The following CCDC171 variants were observed in gnomAD, a reference collection of about 807,000 sequenced individuals.
The protein encoded by CCDC171 is coiled-coil domain containing 171, also known as coiled-coil domain-containing protein 171.
Under a neutral mutation model 168.2 loss-of-function variants are expected in CCDC171, and 177 were observed. That is an observed-to-expected ratio of 1.05 (90% CI 0.93 to 1.19). The LOEUF is 1.19. Ranked by LOEUF, CCDC171 falls within the 50% of genes most tolerant of loss-of-function variation. CCDC171 has a pLI of 0.00. For missense variants in CCDC171, 1,991 were observed against 1,539.0 expected, an observed-to-expected ratio of 1.29 and a Z score of -4.91; for synonymous variants, 687 against 540.8, an observed-to-expected ratio of 1.27 and a Z score of -3.75.
chr9:16,034,155 G>A (rs978214354), intron 6 of CCDC171, among the ~76,000 whole-genome samples: 2 of 152,176 alleles, frequency 1.3e-5, no homozygotes, highest in South Asian at 4.1e-4. Flanking sequence ...AAGCAACAAC[G>A]TGCACTGACA....
At chr9:15,907,879 A>C (rs1191940980) in intron 24 of CCDC171, among the ~76,000 whole-genome samples, 2 of 152,278 alleles carry the variant, frequency 1.3e-5, no homozygotes, top group African/African-American at 2.4e-5. Flanking sequence ...GGAGACACTT[A>C]TGCAGCCAAC....
At chr9:15,642,256 C>T (rs1172093286) in intron 7 of CCDC171, among the ~76,000 whole-genome samples, 2 of 147,410 alleles carry the variant, frequency 1.4e-5, no homozygotes, top group South Asian at 2.1e-4. Flanking sequence ...TTAAATTAAC[C>T]TGTAGTATAT....
intron 25 of CCDC171, among the ~76,000 whole-genome samples, chr9:15,932,236 C>G (rs1383385347): frequency 6.6e-6 from 1 of 151,902 alleles, no homozygotes; most frequent in East Asian, 1.9e-4. Context: ...TTCTTCCAAT[C>G]CATGAACATG....
intron 18 of CCDC171, 80 bp from the exon 19 acceptor site, chr9:15,777,520 T>C: frequency 1.4e-6 from 1 of 730,534 alleles, no homozygotes; most frequent in Non-Finnish European, 2.2e-6. Context: ...AAAAAATATT[T>C]TCATTATGTG....
rs532242648 is a variant in CCDC171, at chr9:16,048,377, G to A, written n.89+5491G>A. On this transcript the variant is annotated intron_variant and non_coding_transcript_variant, in intron 1 of 1. Coordinates refer to the CCDC171 transcript ENST00000478913. ...GGAGCTGGCTGAGGGAGGGAGGATG[G>A]CAGGTTGCCTTGGAAGGTCCCATCT... Among the ~76,000 whole-genome samples the A allele has an allele frequency of 9.8e-5, 15 of 152,330 alleles. 1 individual carries two copies. The South Asian group carries it at 2.7e-3, about 27-fold the overall frequency.
At chr9:15,905,204 A>G (rs1822371829) in intron 24 of CCDC171, among the ~76,000 whole-genome samples, 1 of 152,198 alleles carries the variant, frequency 6.6e-6, no homozygotes, top group Non-Finnish European at 1.5e-5. Context: ...TCCACCCCAA[A>G]TCAACAGAAT....
chr9:16,007,443 C>A (rs1832739505), intron 3 of CCDC171, among the ~76,000 whole-genome samples: 1 of 152,134 alleles, frequency 6.6e-6, no homozygotes, highest in Admixed American at 6.5e-5. Context: ...TTAATTAGAT[C>A]CCAATTGTCA....
Position 15,816,154 on chromosome 9 carries a change from G to A in CCDC171, c.3268-30548G>A, listed in dbSNP as rs766455847. Among the ~76,000 whole-genome samples the A allele has an allele frequency of 5.1e-5, 6 of 116,726 alleles. 2 individuals are homozygous for A. Among genetic ancestry groups the A allele is most frequent in the East Asian group, 4.3e-4 (2 of 4,658 alleles). 76.6% of individuals were successfully genotyped at this position (116,726 alleles called of 152,430 possible). A position where few individuals can be genotyped will look rare whatever the true frequency, so the allele number is the denominator to read the frequency against. Reference sequence around the variant, plus strand: ...TGTTCTCATACATAATTTTAAAAACGTTTTTTCATGTTCAAATTTGTCCTC... The same window carrying A: ...TGTTCTCATACATAATTTTAAAAACATTTTTTCATGTTCAAATTTGTCCTC... On this transcript the variant is annotated intron_variant, in intron 21 of 25. Coordinates refer to ENST00000380701, the MANE Select transcript of CCDC171 (RefSeq NM_173550.4).
intron 7 of CCDC171, among the ~76,000 whole-genome samples, chr9:15,651,505 C>T (rs1022464302): frequency 6.6e-6 from 1 of 152,094 alleles, no homozygotes; most frequent in South Asian, 2.1e-4. Flanking sequence ...AATCCTCTCA[C>T]CTCAGCCTTC....
chr9:15,779,565 G>A (rs1053693981), intron 20 of CCDC171, among the ~76,000 whole-genome samples: 31 of 152,070 alleles, frequency 2.0e-4, no homozygotes, highest in Non-Finnish European at 3.7e-4. Flanking sequence ...TCTCCATGTT[G>A]GCCGGGGTGT....
At chr9:15,618,939 G>A (rs1265328506) in intron 6 of CCDC171, among the ~76,000 whole-genome samples, 2 of 151,984 alleles carry the variant, frequency 1.3e-5, no homozygotes, top group Non-Finnish European at 2.9e-5. Flanking sequence ...GCAGACTGCC[G>A]CTGTTTCTAT....
rs1328284 is a variant in CCDC171 at position 15,926,414 on chromosome 9, C to T, written c.3753+5992C>T. Reference sequence around the variant, plus strand: ...ATTCCAAACCTTACCTTCATCGGTTCCCAATCCATTCTTGCACCATCCAAT... The same window carrying T: ...ATTCCAAACCTTACCTTCATCGGTTTCCAATCCATTCTTGCACCATCCAAT... On this transcript the variant is annotated intron_variant, in intron 25 of 25. Coordinates refer to ENST00000380701, the MANE Select transcript of CCDC171 (RefSeq NM_173550.4). 2.3e-3 allele frequency among the ~76,000 whole-genome samples: 353 copies of T among 151,768 alleles called. 3 individuals are homozygous for T. The highest frequency in any genetic ancestry group is 7.6e-3 in the African/African-American group (314 of 41,488).
chr9:15,561,009 T>C (rs2039256856), intron 1 of CCDC171, among the ~76,000 whole-genome samples: 2 of 152,138 alleles, frequency 1.3e-5, no homozygotes, highest in Admixed American at 1.3e-4. Flanking sequence ...CCTGTTTGCC[T>C]GGATATCACT....
chr9:15,869,266 ATAGT>A (rs2061925400), intron 23 of CCDC171, among the ~76,000 whole-genome samples: 1 of 151,896 alleles, frequency 6.6e-6, no homozygotes, highest in Non-Finnish European at 1.5e-5. Context: ...GATTAATTAG[ATAGT>A]TAAAGAAAAG....
intron 21 of CCDC171, among the ~76,000 whole-genome samples, chr9:15,830,094 A>G (rs1053031139): frequency 1.8e-4 from 27 of 152,196 alleles, no homozygotes; most frequent in African/African-American, 6.3e-4. Flanking sequence ...AGTGACAACA[A>G]CTGGTAGTAC....
At chr9:15,755,543 A>G (rs2056053643) in intron 18 of CCDC171, among the ~76,000 whole-genome samples, 1 of 152,198 alleles carries the variant, frequency 6.6e-6, no homozygotes, top group East Asian at 1.9e-4. Context: ...TGAGTCAAAA[A>G]GTGAAAAGAA....
intron 1 of CCDC171, among the ~76,000 whole-genome samples, chr9:16,058,327 C>A (rs1018705748): frequency 2.0e-5 from 3 of 152,128 alleles, no homozygotes; most frequent in African/African-American, 7.2e-5. Flanking sequence ...TCATCATCCA[C>A]CGTGAGAACA....
At position 15,623,469 on chromosome 9, in the gene CCDC171, G is replaced by GCACA. The variant is rs1554714819; in HGVS notation, c.822+57_822+58insACAC. 124 of 529,884 alleles carry GCACA rather than the reference G, an allele frequency of 2.3e-4. No homozygotes were observed. In the African/African-American group the frequency reaches 4.9e-3, roughly 21 times the overall value. The allele number at this position is 529,884 out of a possible 1,614,324, so 32.8% of individuals were successfully genotyped here. On this transcript the variant is annotated intron_variant, in intron 7 of 25. Transcript: ENST00000380701. ...TGCGTACAAACTTTCACATATGCGC[G>GCACA]CGCGCGCACACACACACACACACAC...
intron 21 of CCDC171, among the ~76,000 whole-genome samples, chr9:15,810,959 C>T (rs1441141178): frequency 6.6e-6 from 1 of 152,262 alleles, no homozygotes; most frequent in African/African-American, 2.4e-5. Flanking sequence ...CATCTCTCAA[C>T]ACTAGCCACA....
Sources: allele counts gnomAD v4.1 joint callset (sites outside exome capture counted in the v4.1 genomes callset), GRCh38; gene constraint gnomAD v4.1.1; transcripts MANE v1.5; gene names NCBI Gene and HGNC (gene_info 2026-07-23, HGNC 2026-07-21).